Variants in SH3RF1 observed in about 807,000 individuals in gnomAD.
SH3RF1 encodes SH3 domain containing ring finger 1, also known as E3 ubiquitin-protein ligase SH3RF1.
SH3RF1 carries 32 observed loss-of-function variants against 74.0 expected under a neutral mutation model. The ratio of observed to expected loss-of-function variants is 0.43; its 90% confidence interval spans 0.33 to 0.58. SH3RF1 has a LOEUF of 0.58. SH3RF1 is among the 20% of genes least tolerant of loss of function. The pLI is 0.05. For synonymous variants in SH3RF1, 396 were observed against 439.6 expected, an observed-to-expected ratio of 0.90 and a Z score of 1.24; for missense variants, 954 against 1,130.9, an observed-to-expected ratio of 0.84 and a Z score of 2.24.
chr4:169,115,066 C>T (rs1384734105), intron 10 of SH3RF1, among the ~76,000 whole-genome samples: 1 of 152,148 alleles, frequency 6.6e-6, no homozygotes. Context: ...CTCTTGCCTC[C>T]AATCACCTGT....
chr4:169,246,544 G>C (rs1380520641), intron 2 of SH3RF1, among the ~76,000 whole-genome samples: 2 of 152,186 alleles, frequency 1.3e-5, no homozygotes, highest in African/African-American at 4.8e-5. Flanking sequence ...GCAGGCCTGA[G>C]GGTGTGACTG....
intron 11 of SH3RF1, among the ~76,000 whole-genome samples, chr4:169,100,244 G>A (rs1411581014): frequency 6.6e-6 from 1 of 152,080 alleles, no homozygotes; most frequent in African/African-American, 2.4e-5. Flanking sequence ...ACCTACATGG[G>A]ACCTGCTGAT....
At chr4:169,153,104 A>G (rs574714138) in intron 4 of SH3RF1, among the ~76,000 whole-genome samples, 1 of 152,312 alleles carries the variant, frequency 6.6e-6, no homozygotes, top group Admixed American at 6.5e-5. Context: ...TAAGTCGGCC[A>G]GCAGGAGTCG....
At chr4:169,259,597 AG>A (rs1731244160) in intron 2 of SH3RF1, among the ~76,000 whole-genome samples, 1 of 152,218 alleles carries the variant, frequency 6.6e-6, no homozygotes, top group South Asian at 2.1e-4. Context: ...TACTACCTTC[AG>A]AAAAAACTAA....
chr4:169,116,753 A>AGC, intron 9 of SH3RF1, 123 bp from the exon 10 acceptor site: 3 of 1,313,356 alleles, frequency 2.3e-6, no homozygotes, highest in Non-Finnish European at 3.0e-6. Flanking sequence ...TTATTACAAT[A>AGC]AAGATGGGAT....
At chr4:169,159,285 T>C (rs1378465583) in intron 2 of SH3RF1, among the ~76,000 whole-genome samples, 1 of 152,222 alleles carries the variant, frequency 6.6e-6, no homozygotes, top group Non-Finnish European at 1.5e-5. Context: ...TTCTCCACTA[T>C]ATTATGTATT....
At chr4:169,141,974 GGC>G (rs1733794644) in intron 4 of SH3RF1, among the ~76,000 whole-genome samples, 1 of 152,034 alleles carries the variant, frequency 6.6e-6, no homozygotes, top group Admixed American at 6.6e-5. Flanking sequence ...CACTACACCT[GGC>G]TAATTTTGTT....
intron 5 of SH3RF1, among the ~76,000 whole-genome samples, chr4:169,134,465 T>C (rs751449564): frequency 2.6e-5 from 4 of 152,232 alleles, no homozygotes; most frequent in Non-Finnish European, 5.9e-5. Flanking sequence ...CTTAAAGCTA[T>C]TCCCATTCTG....
intron 2 of SH3RF1, among the ~76,000 whole-genome samples, chr4:169,199,940 A>G (rs1027525191): frequency 6.6e-6 from 1 of 152,140 alleles, no homozygotes; most frequent in African/African-American, 2.4e-5. Flanking sequence ...TATAAGAGGC[A>G]CACCTAAAAC....
intron 2 of SH3RF1, among the ~76,000 whole-genome samples, chr4:169,255,629 A>ACACACACACACACACT (rs1731177862): frequency 6.8e-6 from 1 of 146,110 alleles, no homozygotes; most frequent in East Asian, 2.2e-4. Flanking sequence ...ACATACACAC[A>ACACACACACACACACT]CACACACACA....
intron 2 of SH3RF1, among the ~76,000 whole-genome samples, chr4:169,161,822 T>C (rs1182946240): frequency 1.3e-5 from 2 of 152,200 alleles, no homozygotes; most frequent in East Asian, 1.9e-4. Context: ...AAAGAAATCA[T>C]AGTAATAGAA....
At chr4:169,187,197 T>A (rs1442512812) in intron 2 of SH3RF1, among the ~76,000 whole-genome samples, 2 of 152,134 alleles carry the variant, frequency 1.3e-5, no homozygotes, top group Non-Finnish European at 2.9e-5. Context: ...CGTATATATG[T>A]ATGTATGTGC....
At chr4:169,230,722 G>C (rs1385968231) in intron 2 of SH3RF1, among the ~76,000 whole-genome samples, 1 of 151,976 alleles carries the variant, frequency 6.6e-6, no homozygotes, top group Non-Finnish European at 1.5e-5. Context: ...AGCTGGGCGT[G>C]GTGGCACACA....
chr4:169,259,847 A>G (rs1226045039), intron 2 of SH3RF1, among the ~76,000 whole-genome samples: 2 of 152,246 alleles, frequency 1.3e-5, no homozygotes, highest in Non-Finnish European at 2.9e-5. Flanking sequence ...TTCTATCACA[A>G]GTACATCTCA....
At chr4:169,261,212 G>C (rs1731274471) in intron 2 of SH3RF1, among the ~76,000 whole-genome samples, 1 of 151,996 alleles carries the variant, frequency 6.6e-6, no homozygotes, top group South Asian at 2.1e-4. Flanking sequence ...GGAACCAGAG[G>C]CCACAACTTC....
intron 2 of SH3RF1, among the ~76,000 whole-genome samples, chr4:169,213,407 A>C (rs1038616696): frequency 6.6e-6 from 1 of 152,180 alleles, no homozygotes; most frequent in African/African-American, 2.4e-5. Context: ...TTCTTTGTAC[A>C]TTGTACATTT....
At chr4:169,191,236 A>G (rs551680378) in intron 2 of SH3RF1, among the ~76,000 whole-genome samples, 1 of 151,254 alleles carries the variant, frequency 6.6e-6, no homozygotes, top group South Asian at 2.1e-4. Flanking sequence ...TAGCTCTTCT[A>G]TATACCAACA....
At chr4:169,240,774 C>T (rs949437010) in intron 2 of SH3RF1, among the ~76,000 whole-genome samples, 2 of 152,150 alleles carry the variant, frequency 1.3e-5, no homozygotes, top group Non-Finnish European at 2.9e-5. Flanking sequence ...TAACCACAGT[C>T]ACCATGCTGC....
At chr4:169,229,709 C>A (rs755531043) in intron 2 of SH3RF1, among the ~76,000 whole-genome samples, 1 of 152,096 alleles carries the variant, frequency 6.6e-6, no homozygotes, top group Non-Finnish European at 1.5e-5. Flanking sequence ...CATGAGTAAG[C>A]CCCACAGCTT....
Sources: allele counts gnomAD v4.1 joint callset (sites outside exome capture counted in the v4.1 genomes callset), GRCh38; gene constraint gnomAD v4.1.1; transcripts MANE v1.5; gene names NCBI Gene and HGNC (gene_info 2026-07-23, HGNC 2026-07-21).